RBM47: variants seen among roughly 807,000 people sequenced by gnomAD.
RBM47 encodes the protein RNA binding motif protein 47, also known as RNA-binding protein 47.
In RBM47, 21 loss-of-function variants were observed where a neutral mutation model predicts 47.1. That is an observed-to-expected ratio of 0.45 (90% CI 0.32 to 0.64). The LOEUF (loss-of-function observed/expected upper bound fraction) is 0.64. RBM47 is among the 30% of genes least tolerant of loss of function. The pLI is 0.05. For missense variants in RBM47, 708 were observed against 870.9 expected (o/e 0.81, Z 2.35); for synonymous variants, 375 against 361.7 (o/e 1.04, Z -0.42).
intron 1 of RBM47, among the ~76,000 whole-genome samples, chr4:40,556,075 G>A (rs1246175799): frequency 2.0e-5 from 3 of 149,718 alleles, no homozygotes; most frequent in East Asian, 2.0e-4. Context: ...TGGCTCTGTC[G>A]CGCAGGCTGG....
intron 1 of RBM47, among the ~76,000 whole-genome samples, chr4:40,546,346 C>T (rs1244526674): frequency 1.3e-5 from 2 of 152,030 alleles, no homozygotes; most frequent in African/African-American, 4.8e-5. Flanking sequence ...GATGGGGTTT[C>T]ACCATGTTGG....
intron 2 of RBM47, among the ~76,000 whole-genome samples, chr4:40,504,154 G>A (rs1204620780): frequency 1.3e-5 from 2 of 152,170 alleles, no homozygotes; most frequent in African/African-American, 4.8e-5. Context: ...ACTGAGTTAA[G>A]CATCTTTAAG....
At chr4:40,609,470 G>A (rs1172712280) in intron 1 of RBM47, among the ~76,000 whole-genome samples, 2 of 150,872 alleles carry the variant, frequency 1.3e-5, no homozygotes, top group Admixed American at 6.6e-5. Context: ...CCGCCACCAC[G>A]CCCGGCTAAT....
intron 1 of RBM47, among the ~76,000 whole-genome samples, chr4:40,557,381 T>C (rs1730198213): frequency 6.6e-6 from 1 of 152,182 alleles, no homozygotes; most frequent in Admixed American, 6.5e-5. Context: ...TTGAGGACAG[T>C]ACTATATCTA....
intron 2 of RBM47, among the ~76,000 whole-genome samples, chr4:40,509,747 G>A (rs549195389): frequency 7.1e-5 from 10 of 141,372 alleles, no homozygotes; most frequent in East Asian, 1.9e-4. Context: ...TTCTCCAGGC[G>A]TGGTGGCGGG....
chr4:40,505,886 CA>C (rs199994772), intron 2 of RBM47, among the ~76,000 whole-genome samples: 3 of 80,372 alleles, frequency 3.7e-5, no homozygotes, highest in African/African-American at 6.3e-5. Context: ...GAGTCTGTCT[CA>C]AAAAAAACAA....
intron 3 of RBM47, among the ~76,000 whole-genome samples, chr4:40,448,559 T>C (rs1478358107): frequency 6.6e-6 from 1 of 152,200 alleles, no homozygotes; most frequent in African/African-American, 2.4e-5. Flanking sequence ...GTCTTAAGCA[T>C]GACCTAACAC....
intron 1 of RBM47, among the ~76,000 whole-genome samples, chr4:40,622,494 C>G (rs1336525776): frequency 2.0e-5 from 3 of 152,162 alleles, no homozygotes; most frequent in East Asian, 3.8e-4. Context: ...GGTGATGGGA[C>G]TAGAAATAAA....
chr4:40,556,753 G>T (rs1417425438), intron 1 of RBM47, among the ~76,000 whole-genome samples: 2 of 151,750 alleles, frequency 1.3e-5, no homozygotes, highest in Non-Finnish European at 2.9e-5. Context: ...CACCGAGTAT[G>T]GTGGTGCACG....
rs1215732514 is a variant in RBM47, at chr4:40,423,687, TCTTTCTTTCTTTC to T, written c.*2204_*2216del. ...TTCTTTCTTTCTTTCTTTCTTTCTT[TCTTTCTTTCTTTC>T]TTTCTTTCTTTCTTTTCTTTCTTTT... is the stretch of plus-strand genomic sequence containing the variant. On this transcript the variant is annotated 3_prime_UTR_variant, in exon 7 of 7. Transcript: ENST00000295971. 11 of 106,454 alleles carry T rather than the reference TCTTTCTTTCTTTC, an allele frequency of 1.0e-4. No individual in the cohort carries two copies. The highest frequency in any genetic ancestry group is 1.9e-4 in the Non-Finnish European group (11 of 56,738). The allele number at this position is 106,454 out of a possible 1,614,324, so 6.6% of individuals were successfully genotyped here. A position where few individuals can be genotyped will look rare whatever the true frequency, so the allele number is the denominator to read the frequency against.
intron 2 of RBM47, among the ~76,000 whole-genome samples, chr4:40,525,987 C>T (rs1189938339): frequency 2.6e-5 from 4 of 152,142 alleles, no homozygotes; most frequent in Non-Finnish European, 4.4e-5. Flanking sequence ...TCTAGATCCC[C>T]GGAGTGCTCA....
intron 1 of RBM47, among the ~76,000 whole-genome samples, chr4:40,595,930 T>C (rs4861273): frequency 0.33 from 50,138 of 150,116 alleles, 9,451 homozygotes; most frequent in African/African-American, 0.51. Context: ...AAAAAAGAGA[T>C]GTTATTTGCT....
rs748389910 is a variant in RBM47 at position 40,438,852 on chromosome 4, C to G, written c.42G>C (p.Ser14=). The G allele has an allele frequency of 2.6e-6, 4 of 1,558,948 alleles. No homozygotes were observed. Among genetic ancestry groups the G allele is most frequent in the East Asian group, 2.3e-5 (1 of 43,392 alleles). ...GCACCTTGGCGGAGGACCCGGCGGC[C>G]GAGTCACTGCTCATGGCTGCGGTGG... ...EDSTAAMSSD[S]AAGSSAKVPE... The change falls in exon 4 of 7, where the codon TCG becomes TCC. Residue 14 remains serine (S), a synonymous_variant. Coordinates refer to ENST00000295971, the MANE Select transcript of RBM47 (RefSeq NM_001098634.2).
chr4:40,498,844 T>C (rs904617064), intron 2 of RBM47, among the ~76,000 whole-genome samples: 1 of 151,818 alleles, frequency 6.6e-6, no homozygotes, highest in African/African-American at 2.4e-5. Flanking sequence ...AAACTGGAGG[T>C]GTTACAGCCT....
At position 40,424,454 on chromosome 4, in the gene RBM47, T is replaced by C. The variant is rs181156538; in HGVS notation, c.*1450A>G. On this transcript the variant is annotated 3_prime_UTR_variant, in exon 7 of 7. Transcript: ENST00000295971. Reference sequence around the variant, plus strand: ...CTGCAACAATACATTAACTTCCTAATAAAACAAACCTTTTTAATAACATTG... The same window carrying C: ...CTGCAACAATACATTAACTTCCTAACAAAACAAACCTTTTTAATAACATTG... 4.6e-5 allele frequency: 7 copies of C among 152,752 alleles called. No homozygotes were observed. Among genetic ancestry groups the C allele is most frequent in the Admixed American group, 1.3e-4 (2 of 15,308 alleles). 9.5% of individuals were successfully genotyped at this position (152,752 alleles called of 1,614,324 possible).
Position 40,523,863 on chromosome 4 carries a change from C to CAAAAA in RBM47, c.-155+20554_-155+20558dup, listed in dbSNP as rs34640118. 5.5e-4 allele frequency among the ~76,000 whole-genome samples: 73 copies of CAAAAA among 133,160 alleles called. 1 individual carries two copies. The highest frequency in any genetic ancestry group is 8.6e-4 in the African/African-American group (32 of 37,112). The allele number at this position is 133,160 out of a possible 152,430, so 87.4% of individuals were successfully genotyped here. ...TTGGGTGACAGAGTGAGCCCTGTCT[C>CAAAAA]AAAAAAAAAAAAAGAGGAAAAGAAA... On this transcript the variant is annotated intron_variant, in intron 2 of 6. Transcript: ENST00000295971.
At chr4:40,491,197 C>T (rs557839287) in intron 2 of RBM47, among the ~76,000 whole-genome samples, 45 of 152,188 alleles carry the variant, frequency 3.0e-4, no homozygotes, top group African/African-American at 7.0e-4. Flanking sequence ...CAATCGATTC[C>T]GGACAAGGGT....
At chr4:40,549,380 C>T (rs1379007162) in intron 1 of RBM47, among the ~76,000 whole-genome samples, 1 of 152,198 alleles carries the variant, frequency 6.6e-6, no homozygotes, top group East Asian at 1.9e-4. Context: ...GCGTGAGCCA[C>T]CACGCCCAGC....
chr4:40,532,015 T>TC (rs1404254185), intron 2 of RBM47, among the ~76,000 whole-genome samples: 1 of 134,674 alleles, frequency 7.4e-6, no homozygotes. Context: ...TTTTTTATCT[T>TC]TTTTTTTTTT....
Sources: gnomAD v4.1 joint callset for allele counts (sites outside exome capture counted in the v4.1 genomes callset) on GRCh38, gnomAD v4.1.1 for gene constraint, MANE v1.5 for transcripts, NCBI Gene and HGNC (gene_info 2026-07-23, HGNC 2026-07-21) for gene names.